Variants in SEC14L1 observed in about 807,000 individuals in gnomAD.
SEC14L1 encodes SEC14 like lipid binding 1, also known as SEC14-like protein 1.
Under a neutral mutation model 85.3 loss-of-function variants are expected in SEC14L1, and 48 were observed. The ratio of observed to expected loss-of-function variants is 0.56; its 90% CI spans 0.45 to 0.72. The LOEUF is 0.72. SEC14L1 is among the 30% of genes least tolerant of loss of function. SEC14L1 has a pLI of 0.00. For synonymous variants in SEC14L1, 391 were observed against 355.5 expected, an observed-to-expected ratio of 1.10 and a Z score of -1.12; for missense variants, 682 against 921.4, an observed-to-expected ratio of 0.74 and a Z score of 3.36.
chr17:77,151,171 C>G (rs564388420), intron 3 of SEC14L1, among the ~76,000 whole-genome samples: 7 of 152,244 alleles, frequency 4.6e-5, no homozygotes, highest in African/African-American at 1.7e-4. Flanking sequence ...TAAAACCCAA[C>G]TTTGTTCAAG....
At chr17:77,153,534 T>C (rs1973666010) in intron 3 of SEC14L1, among the ~76,000 whole-genome samples, 1 of 152,216 alleles carries the variant, frequency 6.6e-6, no homozygotes, top group South Asian at 2.1e-4. Context: ...TTACTCCTTA[T>C]TTATTTATTT....
chr17:77,133,454 C>T (rs1360987000), intron 3 of SEC14L1, among the ~76,000 whole-genome samples: 1 of 152,182 alleles, frequency 6.6e-6, no homozygotes, highest in Non-Finnish European at 1.5e-5. Context: ...CCAAGTGGAA[C>T]GGCAGCTTCA....
chr17:77,139,761 G>GTGC (rs893808116), upstream of SEC14L1, among the ~76,000 whole-genome samples: 93 of 151,418 alleles, frequency 6.1e-4, no homozygotes, highest in Non-Finnish European at 1.1e-3. Flanking sequence ...GCCTCCCAAA[G>GTGC]TGCTGAGATT....
chr17:77,175,036 G>C (rs1974688643), intron 3 of SEC14L1, among the ~76,000 whole-genome samples: 1 of 152,184 alleles, frequency 6.6e-6, no homozygotes, highest in Non-Finnish European at 1.5e-5. Flanking sequence ...GGAGCAGTCT[G>C]TCTGTTACAG....
rs559596413 is a variant in SEC14L1, at chr17:77,111,538, G to A, written c.-136+18191G>A. ...CTGAACCCCAAAAAGCCACAGGGAT[G>A]GAGCTGCCCAAGGCCATGGGAGCCC... On this transcript the variant is annotated intron_variant, in intron 3 of 19. Coordinates refer to the SEC14L1 transcript ENST00000392476. 2.6e-5 allele frequency among the ~76,000 whole-genome samples: 4 copies of A among 152,240 alleles called. No homozygotes were observed. In the South Asian group the frequency reaches 8.3e-4, roughly 32 times the overall value.
At position 77,206,466 on chromosome 17, in the gene SEC14L1, A is replaced by T. The variant is rs1403436765; in HGVS notation, c.1341+66A>T. Reference sequence around the variant, plus strand: ...GAAAGCAGATAACATGCATTCATATACACGTGTCTGTGACCTAAAGTCTTA... The same window carrying T: ...GAAAGCAGATAACATGCATTCATATTCACGTGTCTGTGACCTAAAGTCTTA... On this transcript the variant is annotated intron_variant, in intron 12 of 16. Coordinates refer to ENST00000436233, the MANE Select transcript of SEC14L1 (RefSeq NM_001143998.2). This position sits in a 1 kb window ranked among gnomAD's most constrained non-coding sequence, Gnocchi z 4.3. 1 of 1,520,232 alleles carries T rather than the reference A, an allele frequency of 6.6e-7. No individual in the cohort carries two copies. The highest frequency in any genetic ancestry group is 9.0e-7 in the Non-Finnish European group (1 of 1,113,164). The allele number at this position is 1,520,232 out of a possible 1,614,324, so 94.2% of individuals were successfully genotyped here. A position where few individuals can be genotyped will look rare whatever the true frequency, so the allele number is the denominator to read the frequency against.
intron 3 of SEC14L1, among the ~76,000 whole-genome samples, chr17:77,175,444 C>T (rs550711248): frequency 3.3e-5 from 5 of 152,322 alleles, no homozygotes; most frequent in South Asian, 2.1e-4. Context: ...TTAATTAAAT[C>T]GTTACAGGTT....
chr17:77,198,676 G>A (rs1598386105), intron 8 of SEC14L1, among the ~76,000 whole-genome samples: 1 of 150,970 alleles, frequency 6.6e-6, no homozygotes, highest in Non-Finnish European at 1.5e-5. Flanking sequence ...CTGGGTTCAC[G>A]CCATTCTTCT....
intron 9 of SEC14L1, among the ~76,000 whole-genome samples, chr17:77,203,348 C>T (rs1976274460): frequency 6.6e-6 from 1 of 152,142 alleles, no homozygotes; most frequent in Admixed American, 6.5e-5. Context: ...GCACAGCTAC[C>T]CTGTCAGTTG....
intron 3 of SEC14L1, among the ~76,000 whole-genome samples, chr17:77,169,705 G>A (rs573218252): frequency 2.4e-4 from 37 of 152,292 alleles, no homozygotes; most frequent in Admixed American, 8.5e-4. Context: ...GGTGAAGGGG[G>A]TTGAGGAGTA....
At chr17:77,092,628 G>A (rs1032958841) in intron 2 of SEC14L1, among the ~76,000 whole-genome samples, 1 of 152,114 alleles carries the variant, frequency 6.6e-6, no homozygotes, top group African/African-American at 2.4e-5. Flanking sequence ...AGGGCAACGT[G>A]GTGGTCTACA....
intron 3 of SEC14L1, among the ~76,000 whole-genome samples, chr17:77,126,472 C>T (rs1055607316): frequency 2.6e-5 from 4 of 152,172 alleles, no homozygotes; most frequent in African/African-American, 4.8e-5. Context: ...TCTGAATGAT[C>T]GGTAGGGGTT....
rs58820108 is a variant in SEC14L1 at position 77,157,389 on chromosome 17, G to A, written c.63+13730G>A. 8.0e-3 allele frequency among the ~76,000 whole-genome samples: 1,226 copies of A among 152,308 alleles called. 21 individuals carry two copies. Among genetic ancestry groups the A allele is most frequent in the African/African-American group, 0.027 (1,139 of 41,550 alleles). The stretch of plus-strand genomic sequence containing the variant: ...TCACTGAGTCAGAATTTCTGGAGGT[G>A]AGTCCCGCAGTCTGTGGCTTCACAA... On this transcript the variant is annotated intron_variant, in intron 3 of 16. Coordinates refer to ENST00000436233, the MANE Select transcript of SEC14L1 (RefSeq NM_001143998.2).
At chr17:77,163,637 C>T (rs906583393) in intron 3 of SEC14L1, among the ~76,000 whole-genome samples, 1 of 152,208 alleles carries the variant, frequency 6.6e-6, no homozygotes, top group African/African-American at 2.4e-5. Flanking sequence ...GACGCTGTCA[C>T]CATGTTCTTC....
intron 3 of SEC14L1, among the ~76,000 whole-genome samples, chr17:77,149,749 A>C (rs1057476885): frequency 6.6e-6 from 1 of 152,064 alleles, no homozygotes; most frequent in Non-Finnish European, 1.5e-5. Flanking sequence ...TTCAGACAAG[A>C]GATTTATGTT....
intron 3 of SEC14L1, among the ~76,000 whole-genome samples, chr17:77,188,438 A>T (rs1466909642): frequency 6.8e-6 from 1 of 147,542 alleles, no homozygotes. Flanking sequence ...GCTTAGCATA[A>T]TTCTCCCACG....
At chr17:77,211,895 G>A (rs1976770597) in intron 14 of SEC14L1, 55 bp from the exon 15 acceptor site, 3 of 1,596,324 alleles carry the variant, frequency 1.9e-6, no homozygotes, top group Non-Finnish European at 2.6e-6. Context: ...TGCGCTCGCA[G>A]CATGCCGGCC....
intron 3 of SEC14L1, among the ~76,000 whole-genome samples, chr17:77,168,465 T>C (rs1286849644): frequency 6.6e-6 from 1 of 152,210 alleles, no homozygotes; most frequent in Non-Finnish European, 1.5e-5. Context: ...TGCAGCATCC[T>C]ACATATGAGT....
intron 14 of SEC14L1, 119 bp from the exon 15 acceptor site, chr17:77,211,831 G>C (rs939366351): frequency 7.7e-7 from 1 of 1,299,366 alleles, no homozygotes; most frequent in Non-Finnish European, 1.1e-6. Flanking sequence ...TACGCATTCA[G>C]CGTTTCCCTC....
Sources: gnomAD v4.1 joint callset for allele counts (sites outside exome capture counted in the v4.1 genomes callset) on GRCh38, gnomAD v4.1.1 for gene constraint, Gnocchi (gnomAD v3.1) non-coding constraint, MANE v1.5 for transcripts, NCBI Gene and HGNC (gene_info 2026-07-23, HGNC 2026-07-21) for gene names.